Variants in EYA4 observed in about 807,000 individuals in gnomAD.
EYA4 encodes EYA transcriptional coactivator and phosphatase 4, also known as protein phosphatase EYA4.
Under a neutral mutation model 87.9 loss-of-function variants are expected in EYA4, and 31 were observed. The ratio of observed to expected loss-of-function variants is 0.35; its 90% CI spans 0.27 to 0.48. EYA4 has a LOEUF of 0.48. Ranked by LOEUF, EYA4 falls within the 20% of genes least tolerant of loss-of-function variation. EYA4 has a pLI of 0.99. For synonymous variants in EYA4, 263 were observed against 270.6 expected, an observed-to-expected ratio of 0.97 and a Z score of 0.28; for missense variants, 678 against 761.4, an observed-to-expected ratio of 0.89 and a Z score of 1.29.
chr6:133,451,704 T>G (rs1001449314), intron 5 of EYA4, among the ~76,000 whole-genome samples: 23 of 152,128 alleles, frequency 1.5e-4, no homozygotes, highest in Admixed American at 1.4e-3. Flanking sequence ...CCATAATATG[T>G]TCAAGGTGGA....
In EYA4 at chr6:133,272,797, G is replaced by T. The variant is rs145890884; in HGVS notation, c.-65-1919G>T. On this transcript the variant is annotated intron_variant, in intron 1 of 19. Transcript: ENST00000355286. Reference sequence around the variant, plus strand: ...TGGACCTGTTGCAGAGCCTTCTCCTGTTCTGGACCCCAGGCAGTTTTATTT... The same window carrying T: ...TGGACCTGTTGCAGAGCCTTCTCCTTTTCTGGACCCCAGGCAGTTTTATTT... Among the ~76,000 whole-genome samples the T allele has an allele frequency of 5.2e-3, 788 of 152,268 alleles. 6 individuals carry two copies. Among genetic ancestry groups the T allele is most frequent in the African/African-American group, 0.017 (696 of 41,554 alleles).
chr6:133,396,022 T>TTCTCCTCTCCCCCTTCTC (rs1787762844), intron 3 of EYA4, among the ~76,000 whole-genome samples: 1 of 152,068 alleles, frequency 6.6e-6, no homozygotes, highest in East Asian at 1.9e-4. Flanking sequence ...TCCCCCTTCT[T>TTCTCCTCTCCCCCTTCTC]TTCTCCCTTC....
chr6:133,522,818 T>TA (rs1800299465), intron 17 of EYA4, among the ~76,000 whole-genome samples: 1 of 152,180 alleles, frequency 6.6e-6, no homozygotes, highest in African/African-American at 2.4e-5. Flanking sequence ...TTTAATAGCA[T>TA]ATTGTTTTGA....
chr6:133,469,895 G>A (rs1247740219), intron 11 of EYA4, among the ~76,000 whole-genome samples: 1 of 152,110 alleles, frequency 6.6e-6, no homozygotes, highest in Non-Finnish European at 1.5e-5. Context: ...CACTATTAGA[G>A]AAGTGTCTGT....
chr6:133,531,161 C>T lies in EYA4; in HGVS notation c.*2356C>T. On this transcript the variant is annotated 3_prime_UTR_variant, in exon 20 of 20. Transcript: ENST00000355286. ...AAAGAGAAGCCGGCTGGTTGCATCA[C>T]CCCGTGCAGTTTCTCACACACATCT... 6.5e-7 allele frequency: 1 copy of T among 1,534,026 alleles called. No homozygotes were observed. The highest frequency in any genetic ancestry group is 8.7e-7 in the Non-Finnish European group (1 of 1,146,156).
At chr6:133,435,416 T>A (rs1269979258) in intron 3 of EYA4, 1 of 152,470 alleles carries the variant, frequency 6.6e-6, no homozygotes, top group East Asian at 1.9e-4. Context: ...GTTAAGGGTC[T>A]CCTTCCTCTT....
rs112581973 is a variant in EYA4, at chr6:133,399,360, T to A, written c.83+16919T>A. Among the ~76,000 whole-genome samples the A allele has an allele frequency of 8.0e-3, 1,214 of 152,280 alleles. 18 individuals are homozygous for A. The highest frequency in any genetic ancestry group is 0.028 in the African/African-American group (1,152 of 41,552). On this transcript the variant is annotated intron_variant, in intron 3 of 19. Coordinates refer to ENST00000355286, the MANE Select transcript of EYA4 (RefSeq NM_004100.5). ...CTCTCCCTTTCAAGTAGAGGATGAC[T>A]ATGAGAAACTGATACACAGTATTAT...
chr6:133,477,965 G>A (rs1240242495), intron 11 of EYA4, among the ~76,000 whole-genome samples: 3 of 151,908 alleles, frequency 2.0e-5, no homozygotes, highest in Non-Finnish European at 2.9e-5. Flanking sequence ...TCATTAAAAA[G>A]AAGATATCAA....
chr6:133,439,987 A>C (rs752806542), intron 3 of EYA4, among the ~76,000 whole-genome samples: 7 of 152,224 alleles, frequency 4.6e-5, no homozygotes, highest in Non-Finnish European at 1.0e-4. Flanking sequence ...TTTTTACTGC[A>C]CAAGGGCTAA....
intron 1 of EYA4, among the ~76,000 whole-genome samples, chr6:133,258,233 T>C (rs1484870030): frequency 1.3e-5 from 2 of 152,116 alleles, no homozygotes; most frequent in Non-Finnish European, 2.9e-5. Flanking sequence ...CATAGCACTC[T>C]TAGAGAGTAC....
At chr6:133,298,399 G>A (rs1310161201) in intron 2 of EYA4, among the ~76,000 whole-genome samples, 1 of 152,106 alleles carries the variant, frequency 6.6e-6, no homozygotes, top group Non-Finnish European at 1.5e-5. Flanking sequence ...GTTCCTACAA[G>A]TGTCATTGTA....
Position 133,481,450 on chromosome 6 carries a change from A to G in EYA4, c.971-13A>G. On this transcript the variant is annotated splice_polypyrimidine_tract_variant and intron_variant, in intron 11 of 19. Coordinates refer to ENST00000355286, the MANE Select transcript of EYA4 (RefSeq NM_004100.5). ...TGAAGTGCTATTCTTGACCTAAGTC[A>G]TGTTATCTATAGGAGAGTTCGATAC... 6.2e-7 allele frequency: 1 copy of G among 1,613,114 alleles called. No individual in the cohort carries two copies. The highest frequency in any genetic ancestry group is 8.5e-7 in the Non-Finnish European group (1 of 1,179,140).
At chr6:133,502,267 TA>T (rs540610361) in intron 13 of EYA4, 1 of 152,270 alleles carries the variant, frequency 6.6e-6, no homozygotes, top group East Asian at 1.9e-4. Context: ...TTAGTGCCTT[TA>T]TTATCCCACT....
At chr6:133,486,523 A>C (rs957945575) in intron 13 of EYA4, among the ~76,000 whole-genome samples, 1 of 151,974 alleles carries the variant, frequency 6.6e-6, no homozygotes, top group African/African-American at 2.4e-5. Context: ...TCTTGCTCTC[A>C]TGGAGCTTAC....
At chr6:133,526,731 C>T (rs1800668667) in intron 19 of EYA4, among the ~76,000 whole-genome samples, 1 of 152,136 alleles carries the variant, frequency 6.6e-6, no homozygotes, top group African/African-American at 2.4e-5. Flanking sequence ...CAAATGCTTC[C>T]AGTCACACTG....
Position 133,468,698 on chromosome 6 carries a change from C to T in EYA4, c.937C>T (p.Gln313Ter). 6.2e-7 allele frequency: 1 copy of T among 1,613,086 alleles called. No homozygotes were observed. The highest frequency in any genetic ancestry group is 8.5e-7 in the Non-Finnish European group (1 of 1,179,286). ...CTCTTCAACCTCTACTTATCAGTTG[C>T]AGGAATCTCTCCCAGGACTGACTAA... ...TPSSTSTYQL[Q>*]ESLPGLTNQP... The change falls in exon 11 of 20, where the codon CAG (glutamine) becomes TAG (stop). Residue 313 changes from glutamine to a stop codon, truncating the protein, a stop_gained. Coordinates refer to ENST00000355286, the MANE Select transcript of EYA4 (RefSeq NM_004100.5). LOFTEE classifies it high-confidence loss of function.
At chr6:133,493,633 C>T (rs768816128) in intron 13 of EYA4, among the ~76,000 whole-genome samples, 1 of 152,090 alleles carries the variant, frequency 6.6e-6, no homozygotes, top group South Asian at 2.1e-4. Context: ...CAGCAAAGAA[C>T]ACAGTCAACA....
At chr6:133,368,578 G>A (rs1048691211) in intron 2 of EYA4, among the ~76,000 whole-genome samples, 2 of 152,120 alleles carry the variant, frequency 1.3e-5, no homozygotes, top group Non-Finnish European at 2.9e-5. Flanking sequence ...GAAAGTATTT[G>A]GCTGCAAAGA....
chr6:133,323,623 G>A (rs1205494940), intron 2 of EYA4, among the ~76,000 whole-genome samples: 1 of 152,060 alleles, frequency 6.6e-6, no homozygotes, highest in African/African-American at 2.4e-5. Flanking sequence ...AATAAAAATA[G>A]TTGATAATGA....
Sources: allele counts gnomAD v4.1 joint callset (sites outside exome capture counted in the v4.1 genomes callset), GRCh38; gene constraint gnomAD v4.1.1; transcripts MANE v1.5; gene names NCBI Gene and HGNC (gene_info 2026-07-23, HGNC 2026-07-21).